The following SNX11 variants were observed in gnomAD, a reference collection of about 807,000 sequenced individuals.
The protein encoded by SNX11 is sorting nexin 11, also known as sorting nexin-11.
SNX11 carries 19 observed loss-of-function variants against 30.7 expected under a neutral mutation model. That is an observed-to-expected ratio of 0.62 (90% CI 0.43 to 0.91). SNX11 has a LOEUF of 0.91. Ranked by LOEUF, SNX11 falls within the 40% of genes least tolerant of loss-of-function variation. The pLI is 0.00. For missense variants in SNX11, 302 were observed against 326.7 expected, an observed-to-expected ratio of 0.92 and a Z score of 0.58; for synonymous variants, 112 against 119.0, an observed-to-expected ratio of 0.94 and a Z score of 0.38.
intron 4 of SNX11, among the ~76,000 whole-genome samples, chr17:48,114,674 G>GA (rs1399484948): frequency 8.9e-6 from 1 of 112,858 alleles, no homozygotes; most frequent in African/African-American, 3.4e-5. Flanking sequence ...GCCAGGCTGG[G>GA]TTTTTTTTGC....
Position 48,121,944 on chromosome 17 carries a change from G to A in SNX11, c.*436G>A, listed in dbSNP as rs1458982328. 6.2e-6 allele frequency: 1 copy of A among 161,344 alleles called. No homozygotes were observed. The highest frequency in any genetic ancestry group is 2.4e-5 in the African/African-American group (1 of 41,554). The allele number at this position is 161,344 out of a possible 1,614,324, so 10.0% of individuals were successfully genotyped here. A position where few individuals can be genotyped will look rare whatever the true frequency, so the allele number is the denominator to read the frequency against. On this transcript the variant is annotated 3_prime_UTR_variant, in exon 7 of 7. Transcript: ENST00000359238. ...GGCTTCAGTTTTTGCTGTAGCCCTA[G>A]AGCACTTTGTTTGTGGGAGGCTGGC...
At chr17:48,115,481 A>G (rs2063536484) in intron 4 of SNX11, among the ~76,000 whole-genome samples, 1 of 152,202 alleles carries the variant, frequency 6.6e-6, no homozygotes, top group Non-Finnish European at 1.5e-5. Context: ...TTATATGCAT[A>G]TATGTCTAGA....
At chr17:48,114,820 C>T (rs1198618559) in intron 4 of SNX11, among the ~76,000 whole-genome samples, 2 of 151,608 alleles carry the variant, frequency 1.3e-5, no homozygotes, top group African/African-American at 4.8e-5. Context: ...CGCCTGCCAC[C>T]ACGCCTGGCT....
intron 6 of SNX11, among the ~76,000 whole-genome samples, chr17:48,120,474 C>A (rs1002421706): frequency 2.9e-5 from 4 of 137,568 alleles, no homozygotes; most frequent in Admixed American, 7.7e-5. Flanking sequence ...TCCCAAAGTG[C>A]TGGGATTACA....
chr17:48,115,701 GC>G (rs1197238208), intron 4 of SNX11, among the ~76,000 whole-genome samples: 2 of 152,084 alleles, frequency 1.3e-5, no homozygotes, highest in African/African-American at 4.8e-5. Context: ...ACACCCACCT[GC>G]CAAATAAGTC....
At chr17:48,116,543 A>G (rs1004885886) in intron 4 of SNX11, among the ~76,000 whole-genome samples, 2 of 150,624 alleles carry the variant, frequency 1.3e-5, no homozygotes, top group Non-Finnish European at 3.0e-5. Context: ...TTTAAAAATA[A>G]TAGTTGATGG....
At chr17:48,109,073 C>T (rs1366467635) in intron 1 of SNX11, among the ~76,000 whole-genome samples, 1 of 151,780 alleles carries the variant, frequency 6.6e-6, no homozygotes, top group Non-Finnish European at 1.5e-5. Flanking sequence ...GCTGGGAGTA[C>T]AGGCCTGTGC....
intron 3 of SNX11, chr17:48,112,973 A>G: frequency 3.6e-6 from 1 of 274,142 alleles, no homozygotes. Flanking sequence ...CCTGACCTCA[A>G]GTGATCCACC....
rs746710158 is a variant in SNX11 at position 48,112,568 on chromosome 17, C to G, written c.43-6C>G. On this transcript the variant is annotated splice_region_variant and splice_polypyrimidine_tract_variant and intron_variant, in intron 2 of 6. Coordinates refer to ENST00000359238, the MANE Select transcript of SNX11 (RefSeq NM_013323.3). ...CTGAAGCTGAGGGAGCTTTTCTTAC[C>G]TACAGGAGGTGATTACAGTGCGTGT... 1.2e-6 allele frequency: 2 copies of G among 1,606,716 alleles called. No individual in the cohort carries two copies. Among genetic ancestry groups the G allele is most frequent in the Non-Finnish European group, 1.7e-6 (2 of 1,174,134 alleles).
At chr17:48,121,202 T>C (rs1456642877) in intron 6 of SNX11, 33 bp from the exon 7 acceptor site, 1 of 1,611,982 alleles carries the variant, frequency 6.2e-7, no homozygotes, top group African/African-American at 1.3e-5. Context: ...AAGCTGTTCA[T>C]ACCTTTCTTT....
chr17:48,121,406 C>T lies in SNX11; in HGVS notation c.711C>T (p.Pro237=). The T allele has an allele frequency of 6.2e-7, 1 of 1,614,156 alleles. No homozygotes were observed. The highest frequency in any genetic ancestry group is 1.1e-5 in the South Asian group (1 of 91,080). The change falls in exon 7 of 7, where the codon CCC becomes CCT. Residue 237 remains proline, a synonymous_variant. Transcript: ENST00000359238. ...CATTATGCTGTGATTTTGGAAGACCCAAAGAGGGAACCTCCACTCTTCAGT... is the reference window on the plus strand; with the variant it reads ...CATTATGCTGTGATTTTGGAAGACCTAAAGAGGGAACCTCCACTCTTCAGT... ...SSPLCCDFGR[P]KEGTSTLQSV...
At chr17:48,114,702 G>A (rs918703054) in intron 4 of SNX11, among the ~76,000 whole-genome samples, 2 of 26,482 alleles carry the variant, frequency 7.6e-5, no homozygotes, top group Non-Finnish European at 1.6e-4. Context: ...TTTTTTTTTT[G>A]AGACAGAGTT....
chr17:48,109,584 T>G (rs957208949), intron 1 of SNX11, among the ~76,000 whole-genome samples: 22 of 82,542 alleles, frequency 2.7e-4, no homozygotes, highest in African/African-American at 7.8e-4. Flanking sequence ...GTTTTTTGTG[T>G]TTTTTTTTTT....
At chr17:48,120,137 A>G (rs1444116580) in intron 6 of SNX11, among the ~76,000 whole-genome samples, 5 of 150,896 alleles carry the variant, frequency 3.3e-5, no homozygotes, top group Non-Finnish European at 7.4e-5. Context: ...TTATGGCTAA[A>G]TAGCAGTCCA....
intron 4 of SNX11, among the ~76,000 whole-genome samples, chr17:48,115,618 T>G (rs1014327477): frequency 6.6e-6 from 1 of 152,178 alleles, no homozygotes; most frequent in African/African-American, 2.4e-5. Flanking sequence ...TGATTTTTTT[T>G]TCTCTTTTAA....
intron 4 of SNX11, among the ~76,000 whole-genome samples, chr17:48,115,358 G>A (rs2063535380): frequency 1.3e-5 from 2 of 152,082 alleles, no homozygotes; most frequent in Admixed American, 6.5e-5. Flanking sequence ...CACCGCACCC[G>A]GCCAGATATA....
At chr17:48,119,250 T>A in intron 6 of SNX11, 64 bp downstream of exon 6, 2 of 1,269,660 alleles carry the variant, frequency 1.6e-6, no homozygotes, top group Admixed American at 1.7e-5. Flanking sequence ...CAGAGAGGTG[T>A]CCATTTGTTA....
intron 4 of SNX11, among the ~76,000 whole-genome samples, chr17:48,114,245 C>G (rs533005819): frequency 6.6e-6 from 1 of 151,900 alleles, no homozygotes; most frequent in African/African-American, 2.4e-5. Flanking sequence ...CCTCCACCTC[C>G]CGGGTTCAAG....
At position 48,121,559 on chromosome 17, in the gene SNX11, TACTC is replaced by T. The variant is rs2063603328; in HGVS notation, c.*53_*56del. On this transcript the variant is annotated 3_prime_UTR_variant, in exon 7 of 7. Coordinates refer to ENST00000359238, the MANE Select transcript of SNX11 (RefSeq NM_013323.3). The stretch of plus-strand genomic sequence containing the variant: ...CAGAGAAGATGCGGGCCAGGAGACT[TACTC>T]AGGTGGGACTGGGCACAGGGCAGGT... 3 of 1,589,152 alleles carry T rather than the reference TACTC, an allele frequency of 1.9e-6. No individual in the cohort carries two copies. In the South Asian group the frequency reaches 3.4e-5, roughly 18 times the overall value.
Sources: gnomAD v4.1 joint callset for allele counts (sites outside exome capture counted in the v4.1 genomes callset) on GRCh38, gnomAD v4.1.1 for gene constraint, MANE v1.5 for transcripts, NCBI Gene and HGNC (gene_info 2026-07-23, HGNC 2026-07-21) for gene names.